TMC1: variants seen among roughly 807,000 people sequenced by gnomAD.
TMC1 encodes transmembrane channel-like protein 1.
Under a neutral mutation model 105.8 loss-of-function variants are expected in TMC1, and 84 were observed. The ratio of observed to expected loss-of-function variants is 0.79; its 90% CI spans 0.67 to 0.95. TMC1 has a LOEUF of 0.95. Ranked by LOEUF, TMC1 falls within the 40% of genes least tolerant of loss-of-function variation. TMC1 has a pLI of 0.00. For synonymous variants in TMC1, 315 were observed against 311.5 expected, an observed-to-expected ratio of 1.01 and a Z score of -0.12; for missense variants, 817 against 914.1, an observed-to-expected ratio of 0.89 and a Z score of 1.37.
At chr9:72,594,434 T>C (rs899906176) in intron 2 of TMC1, among the ~76,000 whole-genome samples, 3 of 152,178 alleles carry the variant, frequency 2.0e-5, no homozygotes, top group Non-Finnish European at 4.4e-5. Flanking sequence ...CTTATTCTGG[T>C]ACAGGGAGGG....
intron 5 of TMC1, among the ~76,000 whole-genome samples, chr9:72,663,805 C>T (rs1826001687): frequency 1.3e-5 from 2 of 152,016 alleles, no homozygotes; most frequent in South Asian, 4.1e-4. Context: ...CTTGTAATAA[C>T]AGCATAAAAC....
chr9:72,648,798 T>G, intron 5 of TMC1, 134 bp downstream of exon 5: 1 of 764,866 alleles, frequency 1.3e-6, no homozygotes, highest in Admixed American at 2.0e-5. Flanking sequence ...CATTTTTTTC[T>G]GTGGGTAGTT....
At chr9:72,546,598 C>T (rs1823772948) in intron 1 of TMC1, among the ~76,000 whole-genome samples, 1 of 152,164 alleles carries the variant, frequency 6.6e-6, no homozygotes, top group Non-Finnish European at 1.5e-5. Context: ...ATTTGTTGGC[C>T]TTTCCACCAG....
At position 72,693,244 on chromosome 9, in the gene TMC1, A is replaced by G. The variant is rs569692722; in HGVS notation, c.65-1299A>G. On this transcript the variant is annotated intron_variant, in intron 6 of 23. Transcript: ENST00000297784. ...AAAAAAGTTTTAACAAGTGGTAATTAAAGATAATTTTGAAAAAATAAAATG... is the reference window on the plus strand; with the variant it reads ...AAAAAAGTTTTAACAAGTGGTAATTGAAGATAATTTTGAAAAAATAAAATG... Among the ~76,000 whole-genome samples, 4 of 152,334 alleles carry G rather than the reference A, an allele frequency of 2.6e-5. No individual in the cohort carries two copies. The East Asian group carries it at 7.7e-4, about 29-fold the overall frequency.
chr9:72,708,718 GAC>G (rs899828184), intron 8 of TMC1, among the ~76,000 whole-genome samples: 85 of 152,224 alleles, frequency 5.6e-4, no homozygotes, highest in African/African-American at 2.0e-3. Flanking sequence ...AGCAAACAGT[GAC>G]AGTTTCACCT....
At chr9:72,527,246 A>G (rs1257624788) in intron 1 of TMC1, among the ~76,000 whole-genome samples, 1 of 152,188 alleles carries the variant, frequency 6.6e-6, no homozygotes, top group Non-Finnish European at 1.5e-5. Context: ...ATTCTTTTGT[A>G]GTTCAAAAGC....
chr9:72,698,701 G>T (rs192071471), intron 7 of TMC1, among the ~76,000 whole-genome samples: 11 of 152,274 alleles, frequency 7.2e-5, no homozygotes, highest in Admixed American at 1.3e-4. Flanking sequence ...GAGGAACAAT[G>T]GAAAGGGTTG....
At position 72,581,684 on chromosome 9, in the gene TMC1, T is replaced by G. The variant is rs1037166514; in HGVS notation, c.-306+3661T>G. Among the ~76,000 whole-genome samples the G allele has an allele frequency of 2.0e-5, 3 of 152,348 alleles. No homozygotes were observed. The South Asian group carries it at 6.2e-4, about 32-fold the overall frequency. ...CTTAGCAGTTTATTGCCTTCTCATC[T>G]CCACTGTTTTTCCTGAGTAACAGCT... is the stretch of plus-strand genomic sequence containing the variant. On this transcript the variant is annotated intron_variant, in intron 2 of 23. Transcript: ENST00000297784.
At chr9:72,565,921 A>G (rs1406254221) in intron 1 of TMC1, among the ~76,000 whole-genome samples, 1 of 152,184 alleles carries the variant, frequency 6.6e-6, no homozygotes, top group African/African-American at 2.4e-5. Flanking sequence ...GGGAGCTACA[A>G]TTCAAGATGA....
At chr9:72,761,136 G>A (rs756345767) in intron 12 of TMC1, among the ~76,000 whole-genome samples, 1 of 152,156 alleles carries the variant, frequency 6.6e-6, no homozygotes. Flanking sequence ...AGATTATTAT[G>A]TATGCAATGA....
At chr9:72,595,872 CT>C (rs59299971) in intron 2 of TMC1, among the ~76,000 whole-genome samples, 156 of 120,966 alleles carry the variant, frequency 1.3e-3, no homozygotes, top group East Asian at 5.1e-3. Context: ...GATGGGGTTT[CT>C]TTTTTTTTTT....
At chr9:72,806,392 C>T (rs868607989) in intron 18 of TMC1, among the ~76,000 whole-genome samples, 18 of 141,194 alleles carry the variant, frequency 1.3e-4, no homozygotes, top group African/African-American at 3.7e-4. Flanking sequence ...GCTGGCCGGG[C>T]GGGGGGCTGA....
At chr9:72,807,240 G>A (rs1333507215) in intron 18 of TMC1, among the ~76,000 whole-genome samples, 1 of 152,172 alleles carries the variant, frequency 6.6e-6, no homozygotes, top group African/African-American at 2.4e-5. Context: ...GAGGGAGACC[G>A]TGGAAAGAGA....
At chr9:72,740,062 A>G in intron 8 of TMC1, 57 bp from the exon 9 acceptor site, 1 of 1,342,084 alleles carries the variant, frequency 7.5e-7, no homozygotes, top group South Asian at 1.2e-5. Flanking sequence ...CTACTTCTGT[A>G]TTCTAGTCAT....
intron 4 of TMC1, among the ~76,000 whole-genome samples, chr9:72,643,509 A>T (rs1825660286): frequency 6.6e-6 from 1 of 152,108 alleles, no homozygotes; most frequent in South Asian, 2.1e-4. Flanking sequence ...GCTTTGTGTC[A>T]CTGCATTTTC....
chr9:72,720,567 T>C (rs1827004658), intron 8 of TMC1, among the ~76,000 whole-genome samples: 1 of 152,150 alleles, frequency 6.6e-6, no homozygotes, highest in Non-Finnish European at 1.5e-5. Flanking sequence ...GGGCCAATGA[T>C]AGGTACAAGC....
At chr9:72,712,770 G>T (rs1381285526) in intron 8 of TMC1, among the ~76,000 whole-genome samples, 1 of 151,992 alleles carries the variant, frequency 6.6e-6, no homozygotes, top group African/African-American at 2.4e-5. Context: ...CCTTTCTCTT[G>T]CCTGATTGCC....
At chr9:72,532,491 A>G (rs1587941332) in intron 1 of TMC1, among the ~76,000 whole-genome samples, 1 of 130,734 alleles carries the variant, frequency 7.6e-6, no homozygotes, top group Non-Finnish European at 1.6e-5. Flanking sequence ...CAGTGAGCCG[A>G]GATCGTGCCA....
intron 7 of TMC1, 50 bp downstream of exon 7, chr9:72,694,764 A>G: frequency 1.3e-6 from 2 of 1,554,676 alleles, no homozygotes; most frequent in Non-Finnish European, 1.7e-6. Flanking sequence ...GAAGAAGATC[A>G]CTCCTTTCAG....
Sources: allele counts gnomAD v4.1 joint callset (sites outside exome capture counted in the v4.1 genomes callset), GRCh38; gene constraint gnomAD v4.1.1; transcripts MANE v1.5; gene names NCBI Gene and HGNC (gene_info 2026-07-23, HGNC 2026-07-21).